INPP4B: variants seen among roughly 807,000 people sequenced by gnomAD.
The protein encoded by INPP4B is inositol polyphosphate 4-phosphatase type II.
A neutral mutation model predicts 122.5 loss-of-function variants in INPP4B; 55 were observed. The ratio of observed to expected loss-of-function variants is 0.45; its 90% CI spans 0.36 to 0.56. The LOEUF (loss-of-function observed/expected upper bound fraction) is 0.56. Ranked by LOEUF, INPP4B falls within the 20% of genes least tolerant of loss-of-function variation. INPP4B has a pLI of 0.00. For missense variants in INPP4B, 1,000 were observed against 1,097.7 expected (o/e 0.91, Z 1.26); for synonymous variants, 403 against 388.7 (o/e 1.04, Z -0.43).
intron 3 of INPP4B, among the ~76,000 whole-genome samples, chr4:142,459,656 T>C (rs1462707880): frequency 4.6e-5 from 7 of 152,136 alleles, no homozygotes; most frequent in African/African-American, 1.4e-4. Context: ...TATCAATGAA[T>C]GAAAAAAATC....
intron 13 of INPP4B, 150 bp downstream of exon 13, chr4:142,208,746 T>G (rs894349629): frequency 1.7e-6 from 1 of 601,680 alleles, no homozygotes; most frequent in African/African-American, 1.9e-5. Context: ...TAGTTTTTTC[T>G]TTGTTTTAAG....
At chr4:142,187,231 T>C (rs1440519370) in intron 15 of INPP4B, among the ~76,000 whole-genome samples, 1 of 152,184 alleles carries the variant, frequency 6.6e-6, no homozygotes. Flanking sequence ...ATTTAAATTA[T>C]TCTTATTTCT....
At chr4:142,259,536 T>G (rs1320308180) in intron 11 of INPP4B, among the ~76,000 whole-genome samples, 2 of 151,312 alleles carry the variant, frequency 1.3e-5, no homozygotes, top group Non-Finnish European at 2.9e-5. Context: ...ATTGTTATAA[T>G]TGTTATAAAT....
intron 5 of INPP4B, among the ~76,000 whole-genome samples, chr4:142,416,456 G>A (rs1245160592): frequency 6.6e-6 from 1 of 152,100 alleles, no homozygotes; most frequent in African/African-American, 2.4e-5. Flanking sequence ...CTAAATTAAG[G>A]TTAAAAATTA....
At chr4:142,788,125 G>A (rs1050942512) in intron 1 of INPP4B, among the ~76,000 whole-genome samples, 14 of 152,114 alleles carry the variant, frequency 9.2e-5, no homozygotes, top group Admixed American at 7.2e-4. Context: ...GCAGAGCATA[G>A]CAATTATAAT....
chr4:142,309,715 G>C (rs958743151), intron 8 of INPP4B, among the ~76,000 whole-genome samples: 3 of 152,158 alleles, frequency 2.0e-5, no homozygotes, highest in Non-Finnish European at 4.4e-5. Context: ...TGCAGCTCTA[G>C]CCTTTCTTGC....
At chr4:142,764,752 T>C (rs1052569564) in intron 1 of INPP4B, among the ~76,000 whole-genome samples, 8 of 151,394 alleles carry the variant, frequency 5.3e-5, no homozygotes, top group African/African-American at 1.7e-4. Context: ...CAAGATCTAC[T>C]CTGAAGACAA....
In INPP4B at chr4:142,024,646, G is replaced by A. The variant is rs1196287722; in HGVS notation, c.*4136C>T. ...TGGTGATTTAGCATAGTGCCAGAGT[G>A]TAATTTGTTTAATGTAACAGTTTTG... is the stretch of plus-strand genomic sequence containing the variant. On this transcript the variant is annotated 3_prime_UTR_variant, in exon 26 of 26. Coordinates refer to ENST00000262992, the MANE Select transcript of INPP4B (RefSeq NM_001101669.3). 1.3e-5 allele frequency: 2 copies of A among 152,102 alleles called. No individual in the cohort carries two copies. Among genetic ancestry groups the A allele is most frequent in the African/African-American group, 4.8e-5 (2 of 41,442 alleles). 9.4% of individuals were successfully genotyped at this position (152,102 alleles called of 1,614,324 possible).
chr4:142,634,596 C>G (rs1329503912), intron 2 of INPP4B, among the ~76,000 whole-genome samples: 1 of 152,004 alleles, frequency 6.6e-6, no homozygotes, highest in Non-Finnish European at 1.5e-5. Context: ...ATAACTATCT[C>G]CATATATATT....
At position 142,399,662 on chromosome 4, in the gene INPP4B, T is replaced by C. The variant is rs77431167; in HGVS notation, c.372+3276A>G. On this transcript the variant is annotated intron_variant, in intron 7 of 25. Transcript: ENST00000262992. ...AAAATTAGTATACATCCAGAAGATA[T>C]CAACTTTACTATACGAACTAGGGTT... Among the ~76,000 whole-genome samples the C allele has an allele frequency of 6.8e-3, 1,041 of 152,264 alleles. 19 individuals carry two copies. The highest frequency in any genetic ancestry group is 0.023 in the African/African-American group (948 of 41,544).
chr4:142,625,645 A>G (rs1310063430), intron 2 of INPP4B, among the ~76,000 whole-genome samples: 3 of 152,070 alleles, frequency 2.0e-5, no homozygotes, highest in Admixed American at 6.6e-5. Context: ...TAAAGTTCAT[A>G]TGGAACCAAA....
intron 1 of INPP4B, among the ~76,000 whole-genome samples, chr4:142,785,159 A>G (rs1775571068): frequency 6.6e-6 from 1 of 152,134 alleles, no homozygotes; most frequent in African/African-American, 2.4e-5. Context: ...AAATTAGAGG[A>G]AATTTAAGCC....
chr4:142,114,639 C>A (rs1375295598), intron 21 of INPP4B, among the ~76,000 whole-genome samples: 1 of 151,952 alleles, frequency 6.6e-6, no homozygotes, highest in Non-Finnish European at 1.5e-5. Flanking sequence ...TGAGTTGTAA[C>A]ATTTATTTAC....
intron 2 of INPP4B, among the ~76,000 whole-genome samples, chr4:142,634,555 G>T (rs1205186747): frequency 6.6e-6 from 1 of 152,052 alleles, no homozygotes; most frequent in Non-Finnish European, 1.5e-5. Flanking sequence ...TTGCAATTCA[G>T]CATATTAACA....
chr4:142,666,107 G>A (rs902906520), intron 2 of INPP4B, among the ~76,000 whole-genome samples: 2 of 152,028 alleles, frequency 1.3e-5, no homozygotes, highest in Non-Finnish European at 2.9e-5. Context: ...CACAAAAAAG[G>A]GGGACTACTA....
At chr4:142,298,150 G>A (rs1454829690) in intron 9 of INPP4B, among the ~76,000 whole-genome samples, 1 of 152,160 alleles carries the variant, frequency 6.6e-6, no homozygotes, top group Non-Finnish European at 1.5e-5. Context: ...TTTAGAGTTG[G>A]ACCAAAGAGC....
chr4:142,372,800 G>A (rs1433375670), intron 7 of INPP4B, among the ~76,000 whole-genome samples: 1 of 151,974 alleles, frequency 6.6e-6, no homozygotes, highest in Non-Finnish European at 1.5e-5. Context: ...CTAGGAAGGA[G>A]TAATTAGCTC....
intron 7 of INPP4B, among the ~76,000 whole-genome samples, chr4:142,370,105 G>C (rs903601034): frequency 2.0e-5 from 3 of 152,064 alleles, no homozygotes; most frequent in Non-Finnish European, 4.4e-5. Flanking sequence ...CTCATTTATA[G>C]ATCCTTTAAC....
chr4:142,751,143 T>C (rs909760151), intron 1 of INPP4B, among the ~76,000 whole-genome samples: 3 of 151,954 alleles, frequency 2.0e-5, no homozygotes, highest in South Asian at 2.1e-4. Context: ...GTAAGCTCCA[T>C]GTTAGAACTA....
Sources: allele counts gnomAD v4.1 joint callset (sites outside exome capture counted in the v4.1 genomes callset), GRCh38; gene constraint gnomAD v4.1.1; transcripts MANE v1.5; gene names NCBI Gene and HGNC (gene_info 2026-07-23, HGNC 2026-07-21).